Variants in URGCP observed in about 807,000 individuals in gnomAD.
The protein encoded by URGCP is up-regulator of cell proliferation.
A neutral mutation model predicts 24.6 loss-of-function variants in URGCP; 13 were observed. That is an observed-to-expected ratio of 0.53 (90% confidence interval 0.34 to 0.84). The LOEUF is 0.84. Among genes scored for constraint, URGCP ranks in the 40% least tolerant of loss-of-function variants. URGCP has a pLI of 0.01. For synonymous variants in URGCP, 444 were observed against 487.2 expected, an observed-to-expected ratio of 0.91 and a Z score of 1.17; for missense variants, 899 against 1,194.3, an observed-to-expected ratio of 0.75 and a Z score of 3.64.
chr7:43,890,004 A>C (rs985568413), intron 1 of URGCP, among the ~76,000 whole-genome samples: 2 of 151,168 alleles, frequency 1.3e-5, no homozygotes, highest in Non-Finnish European at 2.9e-5. Flanking sequence ...TCCTGGGTTC[A>C]TGCAATTCTC....
intron 1 of URGCP, among the ~76,000 whole-genome samples, chr7:43,904,933 C>T (rs941690510): frequency 3.0e-4 from 46 of 152,292 alleles, no homozygotes; most frequent in Middle Eastern, 6.8e-3. Flanking sequence ...CGTGGTCCTC[C>T]GCTGTCATTT....
At chr7:43,926,402 G>T (rs1023591278) in exon 1 of URGCP, 46 of 719,228 alleles carry the variant, frequency 6.4e-5, no homozygotes, top group Non-Finnish European at 8.2e-5. Context: ...GGCGACGACG[G>T]CCCCACAGTG....
intron 1 of URGCP, among the ~76,000 whole-genome samples, chr7:43,899,094 A>G (rs1023076194): frequency 2.7e-5 from 4 of 149,488 alleles, no homozygotes; most frequent in African/African-American, 9.7e-5. Flanking sequence ...AGACTACACC[A>G]CTGCACTCCA....
chr7:43,889,015 A>C (rs1039971055), intron 1 of URGCP: 4 of 152,362 alleles, frequency 2.6e-5, no homozygotes, highest in Admixed American at 2.6e-4. Context: ...AGGAACTCTC[A>C]CTGGTCAAAT....
intron 1 of URGCP, among the ~76,000 whole-genome samples, chr7:43,925,798 C>CCTTTTTTTTT (rs1233416191): frequency 1.7e-5 from 2 of 116,544 alleles, no homozygotes; most frequent in Non-Finnish European, 3.4e-5. Context: ...CCTCGTCTGG[C>CCTTTTTTTTT]TTTTTTTTTT....
Position 43,896,369 on chromosome 7 carries a change from T to C in URGCP, c.15-8553A>G, listed in dbSNP as rs775801199. Among the ~76,000 whole-genome samples, 6 of 151,426 alleles carry C rather than the reference T, an allele frequency of 4.0e-5. No homozygotes were observed. The East Asian group carries it at 7.8e-4, about 20-fold the overall frequency. ...TACTTAGGAGGCTGAGGTAGGAGAA[T>C]TGCTTGACTCGGGAGGCGGAGATTG... On this transcript the variant is annotated intron_variant, in intron 1 of 5. Coordinates refer to ENST00000453200, the MANE Select transcript of URGCP (RefSeq NM_001077663.3).
At chr7:43,918,845 C>T in intron 1 of URGCP, 1 of 1,370,084 alleles carries the variant, frequency 7.3e-7, no homozygotes, top group Non-Finnish European at 1.0e-6. Context: ...ACAAGGACAT[C>T]TTTTTCTACC....
chr7:43,891,048 T>A (rs949056945), intron 1 of URGCP, among the ~76,000 whole-genome samples: 3 of 152,266 alleles, frequency 2.0e-5, no homozygotes, highest in Non-Finnish European at 4.4e-5. Context: ...CTGGAGATTC[T>A]GATTTAGCAG....
chr7:43,925,586 G>A (rs2095928456), intron 1 of URGCP, among the ~76,000 whole-genome samples: 2 of 152,036 alleles, frequency 1.3e-5, no homozygotes, highest in South Asian at 4.1e-4. Flanking sequence ...TGCAACCTCT[G>A]CCTCCTGGGT....
At chr7:43,918,796 A>G in intron 1 of URGCP, 1 of 1,059,696 alleles carries the variant, frequency 9.4e-7, no homozygotes, top group Non-Finnish European at 1.5e-6. Flanking sequence ...ATCAGCCCCA[A>G]GGGCACCATG....
At chr7:43,910,414 G>A (rs1377637363), upstream of URGCP, among the ~76,000 whole-genome samples, 3 of 79,220 alleles carry the variant, frequency 3.8e-5, no homozygotes, top group African/African-American at 1.6e-4. Context: ...TTTTTTTGTA[G>A]AGACAGGATT....
intron 1 of URGCP, among the ~76,000 whole-genome samples, chr7:43,915,701 G>A (rs953486743): frequency 6.6e-6 from 1 of 152,176 alleles, no homozygotes; most frequent in Non-Finnish European, 1.5e-5. Flanking sequence ...AAACCCCAGG[G>A]TAGAAACAGC....
At chr7:43,902,934 C>T (rs868388376) in intron 1 of URGCP, among the ~76,000 whole-genome samples, 3 of 152,012 alleles carry the variant, frequency 2.0e-5, no homozygotes, top group Admixed American at 6.6e-5. Context: ...TAGAGAAAAC[C>T]GGGAACATTC....
chr7:43,883,366 T>A (rs867552397), intron 3 of URGCP, among the ~76,000 whole-genome samples: 1,499 of 130,080 alleles, frequency 0.012, 4 homozygotes, highest in East Asian at 0.018. Context: ...ATATATATTT[T>A]TTTTTTTTTT....
chr7:43,923,805 G>T (rs538380600), intron 1 of URGCP, among the ~76,000 whole-genome samples: 13 of 152,216 alleles, frequency 8.5e-5, no homozygotes, highest in Non-Finnish European at 1.6e-4. Context: ...AGTTGGTATT[G>T]CTTGAAGCAC....
chr7:43,884,275 G>A (rs1265544480), intron 3 of URGCP, among the ~76,000 whole-genome samples: 2 of 152,212 alleles, frequency 1.3e-5, no homozygotes, highest in South Asian at 4.1e-4. Flanking sequence ...GCAGGTGGAA[G>A]AGGAAGCAGC....
upstream of URGCP, among the ~76,000 whole-genome samples, chr7:43,911,128 C>T (rs1456519324): frequency 6.6e-6 from 1 of 152,032 alleles, no homozygotes; most frequent in Non-Finnish European, 1.5e-5. Context: ...CAGCCAGTCA[C>T]GGTAGCTCAC....
intron 1 of URGCP, among the ~76,000 whole-genome samples, chr7:43,923,199 G>T (rs1383377274): frequency 6.6e-6 from 1 of 151,198 alleles, no homozygotes; most frequent in Non-Finnish European, 1.5e-5. Context: ...GGCCAGGTTG[G>T]TCTCAAACTC....
intron 3 of URGCP, among the ~76,000 whole-genome samples, chr7:43,885,275 A>T (rs1172623671): frequency 2.0e-5 from 3 of 151,684 alleles, no homozygotes; most frequent in Non-Finnish European, 4.4e-5. Context: ...TAATTTTTGT[A>T]TTTTTAGTAG....
Sources: gnomAD v4.1 joint callset for allele counts (sites outside exome capture counted in the v4.1 genomes callset) on GRCh38, gnomAD v4.1.1 for gene constraint, MANE v1.5 for transcripts, NCBI Gene and HGNC (gene_info 2026-07-23, HGNC 2026-07-21) for gene names.